Variants in PTDSS2 observed in about 807,000 individuals in gnomAD.
PTDSS2 encodes the protein PSS-2.
A neutral mutation model predicts 64.7 loss-of-function variants in PTDSS2; 41 were observed. The observed-to-expected ratio is 0.63, with a 90% CI of 0.49 to 0.82. PTDSS2 has a LOEUF of 0.82. Ranked by LOEUF, PTDSS2 falls within the 40% of genes least tolerant of loss-of-function variation. The pLI, the probability that PTDSS2 is intolerant of heterozygous loss-of-function variation, is 0.00. For missense variants in PTDSS2, 485 were observed against 650.0 expected (o/e 0.75, Z 2.76); for synonymous variants, 297 against 277.8 (o/e 1.07, Z -0.69).
chr11:475,207 T>C (rs1020872325), intron 3 of PTDSS2, among the ~76,000 whole-genome samples: 5 of 72,178 alleles, frequency 6.9e-5, no homozygotes, highest in Non-Finnish European at 1.4e-4. Flanking sequence ...ATGGACATAA[T>C]CACGTCTTTG....
intron 4 of PTDSS2, among the ~76,000 whole-genome samples, chr11:482,897 TGTGAGTTTTTCGTAGATCTCCCTACC>T: frequency 7.3e-6 from 1 of 137,112 alleles, no homozygotes; most frequent in Non-Finnish European, 1.5e-5. Context: ...CAGAAAGTTC[TGTGAGTTTTTCGTAGATCTCCCTACC>T]GAGTGGAGAA....
intron 2 of PTDSS2, among the ~76,000 whole-genome samples, chr11:471,097 CTT>C (rs36051705): frequency 1.2e-3 from 159 of 129,230 alleles, no homozygotes; most frequent in Middle Eastern, 4.0e-3. Context: ...TTAAGTAATT[CTT>C]TTTTTTTTTT....
At chr11:449,775 C>T (rs1302308849), upstream of PTDSS2, among the ~76,000 whole-genome samples, 4 of 152,146 alleles carry the variant, frequency 2.6e-5, no homozygotes, top group Non-Finnish European at 5.9e-5. Context: ...AGTGAAACCC[C>T]GTCTCTACTA....
intron 1 of PTDSS2, chr11:451,490 C>T (rs532897547): frequency 7.6e-5 from 30 of 392,366 alleles, no homozygotes; most frequent in African/African-American, 5.6e-4. Context: ...TTCTTGACTG[C>T]AAGGTGCCCA....
intron 1 of PTDSS2, among the ~76,000 whole-genome samples, chr11:455,306 T>A (rs2133755129): frequency 6.6e-6 from 1 of 152,264 alleles, no homozygotes. Flanking sequence ...TGAGAACCCC[T>A]CACGTGGGGT....
chr11:472,119 G>T (rs1056173213), intron 2 of PTDSS2, among the ~76,000 whole-genome samples: 2 of 152,080 alleles, frequency 1.3e-5, no homozygotes, highest in East Asian at 3.9e-4. Flanking sequence ...CGCGGATGGC[G>T]GCCTGGGGTG....
chr11:488,693 G>C (rs199663936), intron 8 of PTDSS2, 46 bp downstream of exon 8: 2 of 1,414,538 alleles, frequency 1.4e-6, no homozygotes, highest in African/African-American at 2.8e-5. Context: ...GGGGTTACCT[G>C]GAGGCAGCCT....
At chr11:465,958 T>G (rs1449122909) in intron 2 of PTDSS2, among the ~76,000 whole-genome samples, 1 of 152,102 alleles carries the variant, frequency 6.6e-6, no homozygotes, top group Non-Finnish European at 1.5e-5. Flanking sequence ...AATTTCTGCT[T>G]TGTAAAAGAC....
At chr11:471,022 A>G (rs1469763357) in intron 2 of PTDSS2, among the ~76,000 whole-genome samples, 1 of 151,998 alleles carries the variant, frequency 6.6e-6, no homozygotes, top group Non-Finnish European at 1.5e-5. Flanking sequence ...AAAATGCAAT[A>G]TATTTGTTTT....
intron 4 of PTDSS2, among the ~76,000 whole-genome samples, chr11:484,302 G>A (rs1270318993): frequency 6.6e-6 from 1 of 152,190 alleles, no homozygotes; most frequent in African/African-American, 2.4e-5. Context: ...TAGCACTGCG[G>A]GATGCTCCAG....
intron 2 of PTDSS2, among the ~76,000 whole-genome samples, chr11:473,203 C>G (rs2133801232): frequency 6.6e-6 from 1 of 152,380 alleles, no homozygotes; most frequent in Admixed American, 6.5e-5. Context: ...TGCCCCTGCC[C>G]AGAGCGGTCC....
chr11:451,593 C>T, intron 1 of PTDSS2: 1 of 240,412 alleles, frequency 4.2e-6, no homozygotes, highest in Non-Finnish European at 9.0e-6. Context: ...CTGCGGCCAG[C>T]AGTGGAAGGA....
At position 461,831 on chromosome 11, in the gene PTDSS2, T is replaced by C. The variant is rs1846898704; in HGVS notation, c.284+1543T>C. On this transcript the variant is annotated intron_variant, in intron 2 of 11. Transcript: ENST00000308020. The surrounding 1 kb of genome is among the most constrained non-coding windows in gnomAD (Gnocchi z 4.2). ...TAGATGAGGGAGCATGTGCCGTGCCTGGGGCCCCTGTGGAGGGGCCACCTG... is the reference window on the plus strand; with the variant it reads ...TAGATGAGGGAGCATGTGCCGTGCCCGGGGCCCCTGTGGAGGGGCCACCTG... 6.6e-6 allele frequency among the ~76,000 whole-genome samples: 1 copy of C among 152,184 alleles called. No individual in the cohort carries two copies. The highest frequency in any genetic ancestry group is 2.1e-4 in the South Asian group (1 of 4,828).
chr11:450,541 C>T lies in PTDSS2; in HGVS notation c.86C>T (p.Pro29Leu), dbSNP rs1846267784. The change falls in exon 1 of 12, where the codon CCT becomes CTT. Residue 29 changes from proline (P) to leucine (L), a missense_variant. By Grantham distance (98) the Pro-to-Leu change is moderately conservative (BLOSUM62 -3). Transcript: ENST00000308020. Reference sequence around the variant, plus strand: ...GGCAGGGCCTCGCTGGAGGAGCCGCCTGACGGGCCGTCTGCCGGCCAAGCC... The same window carrying T: ...GGCAGGGCCTCGCTGGAGGAGCCGCTTGACGGGCCGTCTGCCGGCCAAGCC... ...PAGRASLEEP[P>L]DGPSAGQATG... 8.1e-7 allele frequency: 1 copy of T among 1,242,090 alleles called. No homozygotes were observed. The highest frequency in any genetic ancestry group is 3.2e-5 in the East Asian group (1 of 31,524). The allele number at this position is 1,242,090 out of a possible 1,614,324, so 76.9% of individuals were successfully genotyped here.
chr11:488,408 C>A, intron 7 of PTDSS2, 96 bp downstream of exon 7: 1 of 1,321,226 alleles, frequency 7.6e-7, no homozygotes, highest in Non-Finnish European at 1.1e-6. Flanking sequence ...CCCTCATTCT[C>A]CCCGGGGGGC....
intron 1 of PTDSS2, among the ~76,000 whole-genome samples, chr11:451,831 C>T (rs758614287): frequency 6.6e-6 from 1 of 152,162 alleles, no homozygotes; most frequent in Non-Finnish European, 1.5e-5. Flanking sequence ...GCAGGGTCTT[C>T]CGTGAGGTGT....
At chr11:451,260 T>C (rs1261968945) in intron 1 of PTDSS2, 1 of 375,716 alleles carries the variant, frequency 2.7e-6, no homozygotes, top group South Asian at 1.8e-5. Flanking sequence ...TAGCTACACC[T>C]TGGGGTCCCC....
intron 3 of PTDSS2, among the ~76,000 whole-genome samples, chr11:477,726 C>G (rs764689863): frequency 1.5e-4 from 23 of 152,214 alleles, no homozygotes; most frequent in Non-Finnish European, 2.6e-4. Context: ...GCCTGCAGGC[C>G]GGGCACCTGC....
intron 2 of PTDSS2, among the ~76,000 whole-genome samples, chr11:469,911 A>G (rs1847340487): frequency 6.6e-6 from 1 of 152,200 alleles, no homozygotes; most frequent in Non-Finnish European, 1.5e-5. Context: ...AGAGCCTCCC[A>G]GTGGCCAAAG....
Sources: allele counts gnomAD v4.1 joint callset (sites outside exome capture counted in the v4.1 genomes callset), GRCh38; gene constraint gnomAD v4.1.1; non-coding constraint Gnocchi (gnomAD v3.1); transcripts MANE v1.5; gene names NCBI Gene and HGNC (gene_info 2026-07-23, HGNC 2026-07-21).